DPP6: variants seen among roughly 807,000 people sequenced by gnomAD.
The protein encoded by DPP6 is dipeptidyl peptidase like 6.
Under a neutral mutation model 122.6 loss-of-function variants are expected in DPP6, and 69 were observed. The observed-to-expected ratio is 0.56, with a 90% CI of 0.46 to 0.69. The LOEUF (loss-of-function observed/expected upper bound fraction) is 0.69, where lower values mean the gene tolerates loss of function less well. Among genes scored for constraint, DPP6 ranks in the 30% least tolerant of loss-of-function variants. The probability of loss-of-function intolerance (pLI) is 0.00; values close to 1 mark genes in which losing one functional copy is unlikely to be tolerated. For missense variants in DPP6, 928 were observed against 1,116.9 expected (o/e 0.83, Z 2.41); for synonymous variants, 418 against 433.1 (o/e 0.97, Z 0.43).
At chr7:153,946,680 C>T (rs1274809412) in intron 1 of DPP6, among the ~76,000 whole-genome samples, 1 of 152,110 alleles carries the variant, frequency 6.6e-6, no homozygotes, top group Non-Finnish European at 1.5e-5. Flanking sequence ...GATGGAGTCA[C>T]TTTGGTTCAA....
intron 1 of DPP6, among the ~76,000 whole-genome samples, chr7:154,331,849 T>C (rs1169944171): frequency 6.6e-6 from 1 of 152,188 alleles, no homozygotes; most frequent in Non-Finnish European, 1.5e-5. Context: ...ATACAGTTAC[T>C]ATACATGCAC....
chr7:154,305,466 C>T (rs1446658223), intron 1 of DPP6: 8 of 1,576,272 alleles, frequency 5.1e-6, no homozygotes, highest in South Asian at 2.3e-5. Flanking sequence ...CCCCACCTGC[C>T]CCGGTGGTGG....
intron 1 of DPP6, among the ~76,000 whole-genome samples, chr7:154,167,622 C>T (rs1483732988): frequency 6.6e-6 from 1 of 152,196 alleles, no homozygotes; most frequent in African/African-American, 2.4e-5. Context: ...GCAGACCCTT[C>T]TGGGGACTGT....
intron 5 of DPP6, among the ~76,000 whole-genome samples, chr7:154,571,802 C>G (rs931917217): frequency 6.6e-6 from 1 of 152,172 alleles, no homozygotes; most frequent in African/African-American, 2.4e-5. Context: ...AACACATAAA[C>G]CAATCCGTTT....
chr7:154,767,784 T>A (rs1282981323), intron 8 of DPP6, among the ~76,000 whole-genome samples: 1 of 152,076 alleles, frequency 6.6e-6, no homozygotes, highest in Admixed American at 6.5e-5. Context: ...TACTCCGGGA[T>A]GCACCAGAGT....
chr7:154,582,839 G>A (rs1160782528), intron 5 of DPP6, among the ~76,000 whole-genome samples: 1 of 152,184 alleles, frequency 6.6e-6, no homozygotes, highest in Non-Finnish European at 1.5e-5. Context: ...AGTGGAATGA[G>A]TGCTCAGGGC....
intron 16 of DPP6, among the ~76,000 whole-genome samples, chr7:154,851,435 GAAA>G (rs1199568867): frequency 6.6e-6 from 1 of 152,182 alleles, no homozygotes; most frequent in Non-Finnish European, 1.5e-5. Context: ...TATTCACCCT[GAAA>G]TGTGCAGAGA....
chr7:154,617,639 A>G (rs1267724491), intron 5 of DPP6, among the ~76,000 whole-genome samples: 2 of 152,234 alleles, frequency 1.3e-5, no homozygotes, highest in African/African-American at 4.8e-5. Flanking sequence ...TGATGGATGG[A>G]CAAATGTATG....
At chr7:154,879,788 C>T (rs1332948942) in intron 20 of DPP6, among the ~76,000 whole-genome samples, 2 of 152,150 alleles carry the variant, frequency 1.3e-5, no homozygotes, top group Admixed American at 1.3e-4. Flanking sequence ...ACTGGAGCTG[C>T]TCTCTCCTTT....
chr7:153,921,210 G>A (rs1259633420), intron 1 of DPP6, among the ~76,000 whole-genome samples: 1 of 152,218 alleles, frequency 6.6e-6, no homozygotes, highest in East Asian at 1.9e-4. Context: ...GAGGGAAGAA[G>A]ACACAGAGCA....
intron 1 of DPP6, among the ~76,000 whole-genome samples, chr7:154,034,828 T>A (rs1019759997): frequency 6.7e-6 from 1 of 150,318 alleles, no homozygotes; most frequent in Non-Finnish European, 1.5e-5. Context: ...AAAGCTTGCT[T>A]TTGTTTCATA....
In DPP6 at chr7:154,769,094, C is replaced by T. The variant is rs144127778; in HGVS notation, c.884-323C>T. Among the ~76,000 whole-genome samples, 468 of 152,240 alleles carry T rather than the reference C, an allele frequency of 3.1e-3. 1 individual carries two copies. Among genetic ancestry groups the T allele is most frequent in the African/African-American group, 9.9e-3 (410 of 41,526 alleles). The stretch of plus-strand genomic sequence containing the variant: ...CAACAATAGTACAATCATAGTTCAA[C>T]TCAAAAGGACGTGTTGGGCTCATAG... On this transcript the variant is annotated intron_variant, in intron 8 of 25. Transcript: ENST00000377770.
chr7:154,292,521 C>T (rs565636227), intron 1 of DPP6, among the ~76,000 whole-genome samples: 36 of 152,256 alleles, frequency 2.4e-4, no homozygotes, highest in African/African-American at 7.2e-4. Flanking sequence ...ACCAAAGCCC[C>T]GGGTTGATTT....
At chr7:154,201,141 T>G (rs1053449664) in intron 1 of DPP6, among the ~76,000 whole-genome samples, 1 of 152,142 alleles carries the variant, frequency 6.6e-6, no homozygotes, top group African/African-American at 2.4e-5. Context: ...TGTTGTTTTT[T>G]TTTGAGATGG....
At position 154,645,415 on chromosome 7, in the gene DPP6, C is replaced by A. The variant is rs7802997; in HGVS notation, c.680+7542C>A. Among the ~76,000 whole-genome samples the A allele has an allele frequency of 2.2e-3, 334 of 152,148 alleles. 2 individuals are homozygous for A. The highest frequency in any genetic ancestry group is 7.6e-3 in the African/African-American group (317 of 41,526). On this transcript the variant is annotated intron_variant, in intron 6 of 25. Coordinates refer to ENST00000377770, the MANE Select transcript of DPP6 (RefSeq NM_130797.4). ...GAACTGTGAACAACTCATACATCTG[C>A]CTGTAAGACTTGGTCTCAGCCATTT... is the stretch of plus-strand genomic sequence containing the variant.
At chr7:153,760,206 G>A in the DPP6 span, among the ~76,000 whole-genome samples, 7 of 152,126 alleles carry the variant, frequency 4.6e-5, no homozygotes, top group African/African-American at 9.7e-5. Context: ...ATCCCACCCA[G>A]TGTATTTTTT....
chr7:153,963,343 T>TG (rs1795458227), intron 1 of DPP6, among the ~76,000 whole-genome samples: 1 of 148,112 alleles, frequency 6.8e-6, no homozygotes, highest in African/African-American at 2.5e-5. Context: ...CTCCCTCGTC[T>TG]TGCTCCTTCA....
In DPP6 at chr7:154,727,879, T is replaced by C. The variant is rs773433404; in HGVS notation, c.875T>C (p.Leu292Pro). 1 of 1,612,012 alleles carries C rather than the reference T, an allele frequency of 6.2e-7. No homozygotes were observed. The highest frequency in any genetic ancestry group is 8.5e-7 in the Non-Finnish European group (1 of 1,179,052). ...GVIYNGLSDW[L>P]YEEEILKTHI... ...ATTTACAATGGCCTCAGTGACTGGC[T>C]GTATGAAGGTAAGATGTGCACAGAG... The change falls in exon 8 of 26, where the codon CTG becomes CCG. Residue 292 changes from leucine (L) to proline (P), a missense_variant. Leu to Pro is a moderately conservative substitution (Grantham distance 98). Transcript: ENST00000377770.
At chr7:154,272,857 C>T (rs993245802) in intron 1 of DPP6, among the ~76,000 whole-genome samples, 4 of 152,188 alleles carry the variant, frequency 2.6e-5, no homozygotes, top group Non-Finnish European at 5.9e-5. Context: ...CCCTCACAGC[C>T]AATCCTGAAA....
Sources: gnomAD v4.1 joint callset for allele counts (sites outside exome capture counted in the v4.1 genomes callset) on GRCh38, gnomAD v4.1.1 for gene constraint, MANE v1.5 for transcripts, NCBI Gene and HGNC (gene_info 2026-07-23, HGNC 2026-07-21) for gene names.